The following DAB1 variants were observed in gnomAD, a reference collection of about 807,000 sequenced individuals.
The protein encoded by DAB1 is disabled homolog 1.
Under a neutral mutation model 64.6 loss-of-function variants are expected in DAB1, and 15 were observed. The observed-to-expected ratio is 0.23, with a 90% CI of 0.16 to 0.36. The LOEUF (loss-of-function observed/expected upper bound fraction) is 0.36. Among genes scored for constraint, DAB1 ranks in the 10% least tolerant of loss-of-function variants. The pLI, the probability that DAB1 is intolerant of heterozygous loss-of-function variation, is 1.00. For synonymous variants in DAB1, 235 were observed against 251.9 expected (o/e 0.93, Z 0.64); for missense variants, 596 against 706.7 (o/e 0.84, Z 1.78).
At chr1:57,791,230 C>A (rs897680965) in intron 6 of DAB1, among the ~76,000 whole-genome samples, 6 of 152,138 alleles carry the variant, frequency 3.9e-5, no homozygotes, top group Admixed American at 3.3e-4. Flanking sequence ...GTTTTGAATT[C>A]CCACTATGCC....
Position 57,395,336 on chromosome 1 carries a change from T to A in DAB1, c.-137+28594A>T, listed in dbSNP as rs866326679. ...CCACTGCTCCCAGCCCTAATGTGTA[T>A]GCTAAATCCTACAATATCACTTGGC... On this transcript the variant is annotated intron_variant, in intron 1 of 14. Transcript: ENST00000371236. Among the ~76,000 whole-genome samples the A allele has an allele frequency of 2.6e-5, 4 of 152,288 alleles. 1 individual carries two copies. The Middle Eastern group carries it at 0.014, about 518-fold the overall frequency.
intron 4 of DAB1, among the ~76,000 whole-genome samples, chr1:58,155,040 A>C (rs1247981634): frequency 1.3e-5 from 2 of 152,162 alleles, no homozygotes; most frequent in Non-Finnish European, 2.9e-5. Context: ...ATCTCCAAAA[A>C]AGGGCACTAC....
At chr1:58,126,858 C>T (rs6659357) in intron 5 of DAB1, among the ~76,000 whole-genome samples, 28,929 of 131,718 alleles carry the variant, frequency 0.22, 4,027 homozygotes, top group South Asian at 0.37. Context: ...CAGTCTATCA[C>T]TGTTGGACAT....
At position 58,181,652 on chromosome 1, in the gene DAB1, A is replaced by C. The variant is rs555420926; in HGVS notation, n.310-31064T>G. On this transcript the variant is annotated intron_variant and non_coding_transcript_variant, in intron 4 of 20. Transcript: ENST00000485760. ...TTCAACATGCACCTTAACTTTTCAT[A>C]ATATACTTTAGATTAATACTAAGTT... Among the ~76,000 whole-genome samples the C allele has an allele frequency of 5.3e-5, 8 of 152,194 alleles. No individual in the cohort carries two copies. The South Asian group carries it at 1.5e-3, about 28-fold the overall frequency.
chr1:57,915,636 C>T (rs1644715624), intron 5 of DAB1, among the ~76,000 whole-genome samples: 1 of 152,130 alleles, frequency 6.6e-6, no homozygotes, highest in Non-Finnish European at 1.5e-5. Context: ...TTATTGGGCA[C>T]CACATTTAGA....
chr1:57,133,720 G>A (rs1212071067), intron 4 of DAB1, among the ~76,000 whole-genome samples: 1 of 152,244 alleles, frequency 6.6e-6, no homozygotes, highest in East Asian at 1.9e-4. Context: ...GTCACGTTCT[G>A]CAAATGTTTC....
chr1:57,170,670 T>C lies in DAB1; in HGVS notation c.68-25241A>G, dbSNP rs1485061028. Among the ~76,000 whole-genome samples the C allele has an allele frequency of 7.2e-5, 11 of 152,198 alleles. 1 individual carries two copies. The highest frequency in any genetic ancestry group is 1.6e-4 in the Non-Finnish European group (11 of 68,036). ...CTCTGAGTCCAACGTCCGTGCTCTC[T>C]GATATGGCTCCATTGTCCCTTTTCT... On this transcript the variant is annotated intron_variant, in intron 2 of 14. Transcript: ENST00000371236.
At chr1:58,470,952 T>C (rs570311276) in intron 3 of DAB1, among the ~76,000 whole-genome samples, 1 of 152,292 alleles carries the variant, frequency 6.6e-6, no homozygotes, top group Non-Finnish European at 1.5e-5. Flanking sequence ...TATTAGGCCT[T>C]CCCACTTACA....
intron 1 of DAB1, among the ~76,000 whole-genome samples, chr1:57,391,810 C>CAG (rs904474437): frequency 1.0e-4 from 14 of 137,692 alleles, no homozygotes; most frequent in East Asian, 7.9e-4. Context: ...CACACACACA[C>CAG]ACAGAGAGAG....
intron 5 of DAB1, among the ~76,000 whole-genome samples, chr1:58,001,635 A>C (rs1017875539): frequency 1.3e-5 from 2 of 152,096 alleles, no homozygotes; most frequent in African/African-American, 4.8e-5. Flanking sequence ...GAAAGGTCTC[A>C]TTGTCACTTG....
intron 7 of DAB1, among the ~76,000 whole-genome samples, chr1:57,566,602 C>T (rs1199892129): frequency 6.6e-6 from 1 of 152,088 alleles, no homozygotes. Context: ...ATATCACCAC[C>T]AATCCCACAG....
At chr1:57,484,663 AG>A (rs1293159500) in intron 7 of DAB1, among the ~76,000 whole-genome samples, 3 of 152,154 alleles carry the variant, frequency 2.0e-5, no homozygotes, top group Admixed American at 1.3e-4. Flanking sequence ...ATGAGGCCAG[AG>A]CTGGAGACAT....
At chr1:57,280,277 T>C (rs1671783058) in intron 2 of DAB1, among the ~76,000 whole-genome samples, 1 of 152,230 alleles carries the variant, frequency 6.6e-6, no homozygotes, top group Non-Finnish European at 1.5e-5. Context: ...GCCTCTCCTC[T>C]GCCTTTGATC....
At chr1:58,171,150 A>T (rs1165980222) in intron 4 of DAB1, among the ~76,000 whole-genome samples, 1 of 152,224 alleles carries the variant, frequency 6.6e-6, no homozygotes, top group Non-Finnish European at 1.5e-5. Flanking sequence ...GCTATTATCT[A>T]CATGAATATG....
intron 4 of DAB1, among the ~76,000 whole-genome samples, chr1:58,297,630 C>A (rs911790813): frequency 2.6e-5 from 4 of 152,112 alleles, no homozygotes; most frequent in African/African-American, 9.7e-5. Context: ...CATATACACT[C>A]TGGATCAATG....
chr1:57,260,455 C>T (rs1469158349), intron 2 of DAB1, among the ~76,000 whole-genome samples: 1 of 152,170 alleles, frequency 6.6e-6, no homozygotes, highest in African/African-American at 2.4e-5. Context: ...ACTTAAGCTA[C>T]ACATCCGGAT....
At chr1:58,040,541 C>G (rs1325634478) in intron 5 of DAB1, among the ~76,000 whole-genome samples, 1 of 152,188 alleles carries the variant, frequency 6.6e-6, no homozygotes, top group Non-Finnish European at 1.5e-5. Context: ...TCTACCAGTA[C>G]AGATAAAAAT....
chr1:57,819,092 A>G (rs1652002435), intron 6 of DAB1, among the ~76,000 whole-genome samples: 1 of 152,228 alleles, frequency 6.6e-6, no homozygotes, highest in Admixed American at 6.5e-5. Context: ...ATATTTGACT[A>G]TATGACTGAT....
chr1:57,657,102 T>A (rs1288815014), intron 6 of DAB1, among the ~76,000 whole-genome samples: 1 of 152,212 alleles, frequency 6.6e-6, no homozygotes, highest in African/African-American at 2.4e-5. Context: ...TGAGGCCTGG[T>A]CCTGTCTGAG....
Sources: allele counts gnomAD v4.1 joint callset (sites outside exome capture counted in the v4.1 genomes callset), GRCh38; gene constraint gnomAD v4.1.1; transcripts MANE v1.5; gene names NCBI Gene and HGNC (gene_info 2026-07-23, HGNC 2026-07-21).